Variants in DCUN1D4 observed in about 807,000 individuals in gnomAD.
DCUN1D4 encodes the protein DCN1-like protein 4.
Under a neutral mutation model 47.9 loss-of-function variants are expected in DCUN1D4, and 22 were observed. That is an observed-to-expected ratio of 0.46 (90% CI 0.33 to 0.66). DCUN1D4 has a LOEUF of 0.66. Ranked by LOEUF, DCUN1D4 falls within the 30% of genes least tolerant of loss-of-function variation. DCUN1D4 has a pLI of 0.02. For synonymous variants in DCUN1D4, 121 were observed against 112.2 expected (o/e 1.08, Z -0.50); for missense variants, 301 against 340.8 (o/e 0.88, Z 0.92).
chr4:51,846,456 T>C (rs996273015), intron 1 of DCUN1D4, among the ~76,000 whole-genome samples: 5 of 152,204 alleles, frequency 3.3e-5, no homozygotes, highest in African/African-American at 7.2e-5. Flanking sequence ...ATCATGTTTT[T>C]TCAAACTTTA....
At chr4:51,909,948 G>C (rs1477339148) in intron 8 of DCUN1D4, among the ~76,000 whole-genome samples, 2 of 152,124 alleles carry the variant, frequency 1.3e-5, no homozygotes, top group East Asian at 3.9e-4. Flanking sequence ...GAAATGGTTT[G>C]TATACTAAAG....
rs1026356943 is a variant in DCUN1D4 at position 51,860,622 on chromosome 4, A to G, written c.26-2815A>G. 5 of 455,456 alleles carry G rather than the reference A, an allele frequency of 1.1e-5. No homozygotes were observed. The Admixed American group carries it at 1.2e-4, about 11-fold the overall frequency. 28.2% of individuals were successfully genotyped at this position (455,456 alleles called of 1,614,324 possible). A position where few individuals can be genotyped will look rare whatever the true frequency, so the allele number is the denominator to read the frequency against. On this transcript the variant is annotated intron_variant, in intron 1 of 10. Transcript: ENST00000334635. ...TCGTGGAGGAAGGTGAATGGAGAGC[A>G]GGCACACCACATGGCGAAAGCAGGA...
intron 7 of DCUN1D4, 98 bp downstream of exon 7, chr4:51,891,949 A>G: frequency 2.2e-6 from 2 of 928,484 alleles, no homozygotes; most frequent in African/African-American, 3.3e-5. Flanking sequence ...GAGTGGAAGG[A>G]AGTCAGGTGG....
At chr4:51,885,528 A>C (rs1295198080) in intron 5 of DCUN1D4, among the ~76,000 whole-genome samples, 1 of 131,806 alleles carries the variant, frequency 7.6e-6, no homozygotes, top group Non-Finnish European at 1.5e-5. Flanking sequence ...CGGGAGGAGT[A>C]GGTTTGAAGC....
intron 8 of DCUN1D4, among the ~76,000 whole-genome samples, chr4:51,907,967 G>A (rs758807823): frequency 6.6e-6 from 1 of 152,066 alleles, no homozygotes; most frequent in Non-Finnish European, 1.5e-5. Flanking sequence ...CAAAGGCACT[G>A]GTTTTTTATT....
upstream of DCUN1D4, among the ~76,000 whole-genome samples, chr4:51,842,305 G>A (rs1442289107): frequency 1.3e-5 from 2 of 152,156 alleles, no homozygotes; most frequent in African/African-American, 4.8e-5. Flanking sequence ...CTCAGAGCGC[G>A]GCCCTGTATT....
At chr4:51,859,638 CAAAAAA>C (rs35981680) in intron 1 of DCUN1D4, among the ~76,000 whole-genome samples, 2 of 39,494 alleles carry the variant, frequency 5.1e-5, no homozygotes, top group Non-Finnish European at 8.3e-5. Flanking sequence ...TTAAAACAAG[CAAAAAA>C]AAAAAAAAAA....
intron 1 of DCUN1D4, among the ~76,000 whole-genome samples, chr4:51,844,188 C>G (rs17081926): frequency 6.7e-6 from 1 of 148,530 alleles, no homozygotes. Context: ...AGGACTGTCA[C>G]GTCCAGATTC....
At chr4:51,874,599 T>C in intron 4 of DCUN1D4, 1 of 422,122 alleles carries the variant, frequency 2.4e-6, no homozygotes, top group East Asian at 4.1e-5. Flanking sequence ...TCTTAGAAGT[T>C]AAAGTTTTAT....
intron 4 of DCUN1D4, among the ~76,000 whole-genome samples, chr4:51,875,834 T>A (rs1727588605): frequency 6.6e-6 from 1 of 152,258 alleles, no homozygotes; most frequent in African/African-American, 2.4e-5. Context: ...TGTATGCTCT[T>A]GGTTCTTTTT....
intron 5 of DCUN1D4, among the ~76,000 whole-genome samples, chr4:51,883,028 T>C (rs1728924023): frequency 6.6e-6 from 1 of 152,202 alleles, no homozygotes; most frequent in Non-Finnish European, 1.5e-5. Context: ...CTAAATACTT[T>C]AGTAGAATGA....
intron 1 of DCUN1D4, among the ~76,000 whole-genome samples, chr4:51,852,695 T>C (rs187416889): frequency 2.0e-5 from 3 of 152,316 alleles, no homozygotes; most frequent in Non-Finnish European, 2.9e-5. Flanking sequence ...GCACATAATA[T>C]GGACCAGCAC....
intron 2 of DCUN1D4, 39 bp from the exon 3 acceptor site, chr4:51,863,631 T>TA (rs1324100808): frequency 6.2e-7 from 1 of 1,608,040 alleles, no homozygotes; most frequent in Non-Finnish European, 8.5e-7. Context: ...ATGCTAACGG[T>TA]ATGTGATTTC....
At chr4:51,864,097 G>A (rs1035274493) in intron 3 of DCUN1D4, among the ~76,000 whole-genome samples, 1 of 152,216 alleles carries the variant, frequency 6.6e-6, no homozygotes, top group Non-Finnish European at 1.5e-5. Flanking sequence ...CATAGTTACT[G>A]AAGATTTAGA....
At chr4:51,838,478 C>A (rs1326552106), upstream of DCUN1D4, among the ~76,000 whole-genome samples, 1 of 152,104 alleles carries the variant, frequency 6.6e-6, no homozygotes, top group Non-Finnish European at 1.5e-5. Context: ...ACCCATAGGG[C>A]TCAAGGGATC....
intron 7 of DCUN1D4, among the ~76,000 whole-genome samples, chr4:51,895,178 A>G (rs1731047302): frequency 6.6e-6 from 1 of 151,602 alleles, no homozygotes; most frequent in Admixed American, 6.6e-5. Flanking sequence ...CAGACCCTTC[A>G]TTATATTTGG....
chr4:51,909,728 A>C (rs1733424708), intron 8 of DCUN1D4, among the ~76,000 whole-genome samples: 1 of 152,170 alleles, frequency 6.6e-6, no homozygotes, highest in South Asian at 2.1e-4. Context: ...GACTTAAGTT[A>C]TGTGACCTCT....
chr4:51,902,815 T>C (rs903052021), intron 8 of DCUN1D4, among the ~76,000 whole-genome samples: 3 of 152,176 alleles, frequency 2.0e-5, no homozygotes, highest in African/African-American at 7.2e-5. Flanking sequence ...TTTCCTCTTT[T>C]CATGCCTTCT....
At chr4:51,843,722 G>A (rs1236471873) in intron 1 of DCUN1D4, 2 of 1,223,802 alleles carry the variant, frequency 1.6e-6, no homozygotes, top group Admixed American at 4.4e-5. Flanking sequence ...AGTGGTGCGG[G>A]CGGCTCCGTG....
Sources: gnomAD v4.1 joint callset for allele counts (sites outside exome capture counted in the v4.1 genomes callset) on GRCh38, gnomAD v4.1.1 for gene constraint, MANE v1.5 for transcripts, NCBI Gene and HGNC (gene_info 2026-07-23, HGNC 2026-07-21) for gene names.